The following RERE variants were observed in gnomAD, a reference collection of about 807,000 sequenced individuals.
RERE encodes arginine-glutamic acid dipeptide repeats.
A neutral mutation model predicts 146.1 loss-of-function variants in RERE; 40 were observed. That is an observed-to-expected ratio of 0.27 (90% CI 0.21 to 0.36). RERE has a LOEUF of 0.36. RERE is among the 10% of genes least tolerant of loss of function. The pLI is 1.00. For missense variants in RERE, 1,933 were observed against 2,138.7 expected, an observed-to-expected ratio of 0.90 and a Z score of 1.90; for synonymous variants, 1,003 against 866.0, an observed-to-expected ratio of 1.16 and a Z score of -2.78.
chr1:8,365,949 T>C lies in RERE; in HGVS notation c.1310A>G (p.Tyr437Cys), dbSNP rs1043380529. Residue 437 changes from tyrosine (Y) to cysteine (C), a missense_variant, in exon 13 of 23, where the codon TAT becomes TGT. Tyr to Cys is a radical substitution (Grantham distance 194). This residue lies in a region of RERE where 260 missense variants were observed against 378.4 expected (regional missense o/e 0.69). Transcript: ENST00000400908. ...GGCTGCTTCGGGGGTCTTCTTCCAA[T>C]AGTAATAGAAGGTGATCAGCTCCCC... ...ETGELITFYYYWKKTPEAASS... is the reference protein window; with the variant it reads ...ETGELITFYYCWKKTPEAASS... 3.7e-6 allele frequency: 6 copies of C among 1,613,592 alleles called. No homozygotes were observed. Among genetic ancestry groups the C allele is most frequent in the South Asian group, 1.1e-5 (1 of 91,036 alleles).
At chr1:8,577,029 G>A (rs2124030882) in intron 4 of RERE, among the ~76,000 whole-genome samples, 1 of 152,076 alleles carries the variant, frequency 6.6e-6, no homozygotes, top group South Asian at 2.1e-4. Context: ...AATTAGCTGG[G>A]CGTGGTGGCG....
chr1:8,422,635 G>A, intron 12 of RERE, 92 bp downstream of exon 12: 2 of 975,208 alleles, frequency 2.1e-6, no homozygotes, highest in Non-Finnish European at 3.3e-6. Flanking sequence ...ACAGCGCAGG[G>A]TTAAAGGAAA....
Position 8,502,787 on chromosome 1 carries a change from T to C in RERE, c.880-5258A>G, listed in dbSNP as rs1346403759. On this transcript the variant is annotated intron_variant, in intron 8 of 22. Transcript: ENST00000400908. ...GGGATCCTGTTGATCTGTGACCTTA[T>C]CCCCAACCCTGTGCTCTCTGAAACA... is the stretch of plus-strand genomic sequence containing the variant. 5.4e-5 allele frequency among the ~76,000 whole-genome samples: 8 copies of C among 146,938 alleles called. No homozygotes were observed. The East Asian group carries it at 8.0e-4, about 15-fold the overall frequency.
chr1:8,816,229 C>T (rs1377658213), intron 1 of RERE, among the ~76,000 whole-genome samples: 1 of 152,074 alleles, frequency 6.6e-6, no homozygotes, highest in Non-Finnish European at 1.5e-5. Flanking sequence ...CACCCTCTTA[C>T]TAGTTATCTT....
chr1:8,774,457 G>A lies in RERE; in HGVS notation c.-145+42703C>T, dbSNP rs564595605. On this transcript the variant is annotated intron_variant, in intron 1 of 22. Coordinates refer to ENST00000400908, the MANE Select transcript of RERE (RefSeq NM_001042681.2). The stretch of plus-strand genomic sequence containing the variant: ...CAACCTCCGCCTCCTGGGTTCAAGC[G>A]ATTCTCCTGCCTCAGCCTCCCTAGT... Among the ~76,000 whole-genome samples the A allele has an allele frequency of 2.2e-4, 33 of 146,780 alleles. No homozygotes were observed. The East Asian group carries it at 5.5e-3, about 25-fold the overall frequency.
chr1:8,701,448 G>T (rs2124439952), intron 1 of RERE, among the ~76,000 whole-genome samples: 2 of 152,164 alleles, frequency 1.3e-5, no homozygotes, highest in East Asian at 3.9e-4. Context: ...CATTACGTCA[G>T]CTCTTGCCTC....
At chr1:8,734,011 T>C (rs1360682800) in intron 1 of RERE, among the ~76,000 whole-genome samples, 2 of 146,482 alleles carry the variant, frequency 1.4e-5, no homozygotes, top group Non-Finnish European at 3.0e-5. Flanking sequence ...GGGAGGCTGA[T>C]GCAGGAGAAT....
intron 11 of RERE, among the ~76,000 whole-genome samples, chr1:8,439,867 G>GT (rs896239969): frequency 6.6e-6 from 1 of 152,028 alleles, no homozygotes; most frequent in Non-Finnish European, 1.5e-5. Context: ...GAGGTCAAAA[G>GT]TTTGAGACCA....
intron 10 of RERE, among the ~76,000 whole-genome samples, chr1:8,489,343 A>G (rs7521809): frequency 0.85 from 128,875 of 150,910 alleles, 55,449 homozygotes; most frequent in East Asian, 0.99. Flanking sequence ...CTTGGTGACA[A>G]AGTGAGACTT....
At chr1:8,469,837 A>G (rs545881729) in intron 10 of RERE, among the ~76,000 whole-genome samples, 2 of 152,148 alleles carry the variant, frequency 1.3e-5, no homozygotes, top group African/African-American at 2.4e-5. Context: ...AGTGTTGAAC[A>G]TCTCGTTGTG....
chr1:8,393,660 T>C (rs1642960030), intron 12 of RERE, among the ~76,000 whole-genome samples: 1 of 152,188 alleles, frequency 6.6e-6, no homozygotes, highest in African/African-American at 2.4e-5. Context: ...CTGTTATCAA[T>C]ATTATTTGAA....
chr1:8,660,822 A>G (rs1438541651), intron 1 of RERE, among the ~76,000 whole-genome samples: 1 of 152,234 alleles, frequency 6.6e-6, no homozygotes, highest in Non-Finnish European at 1.5e-5. Context: ...ACACATTATA[A>G]CATGCTTTAA....
intron 12 of RERE, among the ~76,000 whole-genome samples, chr1:8,385,906 T>C (rs1410476973): frequency 7.5e-6 from 1 of 132,688 alleles, no homozygotes; most frequent in African/African-American, 2.9e-5. Context: ...GAGGTGGAGC[T>C]TGCAGTGAGT....
At chr1:8,465,798 C>T (rs750497688) in intron 11 of RERE, 127 bp downstream of exon 11, 67 of 760,946 alleles carry the variant, frequency 8.8e-5, no homozygotes, top group South Asian at 2.2e-4. Flanking sequence ...TCCTGCCTGG[C>T]GCTGCCACGG....
chr1:8,644,080 A>T (rs924747164), intron 2 of RERE, among the ~76,000 whole-genome samples: 9 of 152,198 alleles, frequency 5.9e-5, no homozygotes, highest in Non-Finnish European at 1.2e-4. Context: ...AAATATCCAT[A>T]TGCAATAACA....
intron 4 of RERE, among the ~76,000 whole-genome samples, chr1:8,588,719 A>T (rs1428636295): frequency 2.0e-5 from 3 of 152,200 alleles, no homozygotes; most frequent in Non-Finnish European, 4.4e-5. Flanking sequence ...TATCTGCTAA[A>T]TCATCCCTCA....
intron 12 of RERE, among the ~76,000 whole-genome samples, chr1:8,396,985 T>C (rs938193750): frequency 6.6e-6 from 1 of 152,210 alleles, no homozygotes; most frequent in African/African-American, 2.4e-5. Flanking sequence ...CACGTGACTG[T>C]ATACACATCT....
At chr1:8,766,546 C>CAAA (rs60530407) in intron 1 of RERE, among the ~76,000 whole-genome samples, 1 of 66,000 alleles carries the variant, frequency 1.5e-5, no homozygotes. Context: ...GACTCCATTG[C>CAAA]AAAAAAAAAA....
chr1:8,685,960 C>T (rs1305433208), intron 1 of RERE, among the ~76,000 whole-genome samples: 1 of 147,074 alleles, frequency 6.8e-6, no homozygotes, highest in Non-Finnish European at 1.5e-5. Context: ...CTAAAGATAA[C>T]ATTTTAAACT....
Sources: gnomAD v4.1 joint callset for allele counts (sites outside exome capture counted in the v4.1 genomes callset) on GRCh38, gnomAD v4.1.1 for gene constraint, gnomAD v4.1.1 regional missense constraint, MANE v1.5 for transcripts, NCBI Gene and HGNC (gene_info 2026-07-23, HGNC 2026-07-21) for gene names.